Variants in NTM observed in about 807,000 individuals in gnomAD.
NTM encodes IgLON family member 2.
In NTM, 13 loss-of-function variants were observed where a neutral mutation model predicts 42.1. The ratio of observed to expected loss-of-function variants is 0.31; its 90% CI spans 0.20 to 0.49. The LOEUF (loss-of-function observed/expected upper bound fraction) is 0.49. Among genes scored for constraint, NTM ranks in the 20% least tolerant of loss-of-function variants. The pLI is 0.99. For missense variants in NTM, 373 were observed against 452.8 expected (o/e 0.82, Z 1.60); for synonymous variants, 187 against 179.2 (o/e 1.04, Z -0.35).
chr11:132,135,607 C>G (rs140805662), intron 2 of NTM, among the ~76,000 whole-genome samples: 2 of 152,326 alleles, frequency 1.3e-5, no homozygotes, highest in African/African-American at 4.8e-5. Flanking sequence ...ACACAGGCCA[C>G]ACAGGCTACT....
chr11:132,333,274 G>A (rs527409399), intron 8 of NTM, among the ~76,000 whole-genome samples: 2 of 152,286 alleles, frequency 1.3e-5, no homozygotes, highest in Admixed American at 1.3e-4. Context: ...CTCGGGCACA[G>A]ACAAGGGCCT....
At chr11:131,611,927 T>C (rs940673749) in intron 1 of NTM, among the ~76,000 whole-genome samples, 10 of 152,338 alleles carry the variant, frequency 6.6e-5, no homozygotes, top group African/African-American at 2.2e-4. Context: ...CCTTCAAGGA[T>C]GACTTCAGGG....
chr11:131,727,359 T>G (rs1050342757), intron 1 of NTM, among the ~76,000 whole-genome samples: 9 of 152,294 alleles, frequency 5.9e-5, no homozygotes, highest in African/African-American at 1.9e-4. Flanking sequence ...AAAAATAAGG[T>G]GAAGCCAATA....
At chr11:132,333,018 TCAGGAGAGCA>T (rs1369075908) in intron 8 of NTM, among the ~76,000 whole-genome samples, 1 of 152,092 alleles carries the variant, frequency 6.6e-6, no homozygotes, top group East Asian at 1.9e-4. Context: ...GTGTGGATGT[TCAGGAGAGCA>T]CAAGGGATGA....
At chr11:132,156,267 A>G (rs2073169873) in intron 3 of NTM, among the ~76,000 whole-genome samples, 3 of 152,072 alleles carry the variant, frequency 2.0e-5, no homozygotes, top group Non-Finnish European at 2.9e-5. Flanking sequence ...GTCCTGCCTC[A>G]CTATTTTCAT....
intron 1 of NTM, among the ~76,000 whole-genome samples, chr11:131,812,558 A>G (rs1401239144): frequency 6.6e-6 from 1 of 152,144 alleles, no homozygotes; most frequent in East Asian, 1.9e-4. Flanking sequence ...ACTGGGGCAC[A>G]ACACACCAAA....
At chr11:131,405,831 A>C (rs1407131398) in intron 1 of NTM, among the ~76,000 whole-genome samples, 2 of 152,166 alleles carry the variant, frequency 1.3e-5, no homozygotes, top group Admixed American at 6.5e-5. Flanking sequence ...ATGCTCCACT[A>C]ACCCTGTCCC....
At chr11:131,693,886 G>A (rs1490328981) in intron 1 of NTM, among the ~76,000 whole-genome samples, 1 of 152,202 alleles carries the variant, frequency 6.6e-6, no homozygotes, top group Non-Finnish European at 1.5e-5. Context: ...GTCTGCAGGT[G>A]GAAGCACATT....
intron 4 of NTM, among the ~76,000 whole-genome samples, chr11:132,251,247 C>A (rs566589243): frequency 6.6e-6 from 1 of 152,306 alleles, no homozygotes; most frequent in South Asian, 2.1e-4. Context: ...GATTCCTGTT[C>A]CCCTGTCCTT....
chr11:131,767,857 G>A (rs1477590145), intron 1 of NTM, among the ~76,000 whole-genome samples: 1 of 152,106 alleles, frequency 6.6e-6, no homozygotes, highest in Non-Finnish European at 1.5e-5. Flanking sequence ...TCCAAGCGAG[G>A]AGACAGGAGA....
chr11:132,276,054 AT>A (rs964724544), intron 4 of NTM, among the ~76,000 whole-genome samples: 24 of 148,382 alleles, frequency 1.6e-4, no homozygotes, highest in Middle Eastern at 3.5e-3. Flanking sequence ...TTGACTTTTA[AT>A]TTTTTTTTTA....
intron 1 of NTM, among the ~76,000 whole-genome samples, chr11:131,446,771 T>C (rs1950089479): frequency 6.6e-6 from 1 of 152,214 alleles, no homozygotes; most frequent in African/African-American, 2.4e-5. Context: ...TGAGGGTTAA[T>C]GCAGTTTGTA....
intron 1 of NTM, among the ~76,000 whole-genome samples, chr11:131,846,217 C>A (rs899079762): frequency 1.3e-5 from 2 of 152,078 alleles, no homozygotes; most frequent in African/African-American, 4.8e-5. Context: ...TTTGTTGTAT[C>A]CCTATTATTG....
chr11:132,231,396 A>G (rs1316116691), intron 4 of NTM, among the ~76,000 whole-genome samples: 1 of 152,222 alleles, frequency 6.6e-6, no homozygotes. Flanking sequence ...ATTAACGTCC[A>G]TTTAATAGCG....
chr11:132,055,310 C>T (rs1306023069), intron 2 of NTM, among the ~76,000 whole-genome samples: 1 of 152,212 alleles, frequency 6.6e-6, no homozygotes, highest in Admixed American at 6.5e-5. Flanking sequence ...TCCCTTGGGA[C>T]TAGCCCTGAG....
intron 4 of NTM, among the ~76,000 whole-genome samples, chr11:132,298,102 T>C (rs1203948687): frequency 1.3e-5 from 2 of 152,130 alleles, no homozygotes; most frequent in Admixed American, 1.3e-4. Flanking sequence ...CTTAAGTCAA[T>C]AGAATTCCCT....
intron 4 of NTM, among the ~76,000 whole-genome samples, chr11:132,229,022 T>C (rs542306344): frequency 2.6e-5 from 4 of 152,298 alleles, no homozygotes; most frequent in South Asian, 2.1e-4. Context: ...ATTAGGGAAA[T>C]AGCAGCTGCC....
intron 1 of NTM, among the ~76,000 whole-genome samples, chr11:131,835,653 A>G (rs932273745): frequency 6.6e-6 from 1 of 152,174 alleles, no homozygotes; most frequent in African/African-American, 2.4e-5. Flanking sequence ...CCTAATTGGT[A>G]CAAACACTCT....
intron 1 of NTM, among the ~76,000 whole-genome samples, chr11:131,700,011 T>C (rs1214055417): frequency 1.3e-5 from 2 of 151,438 alleles, no homozygotes; most frequent in Non-Finnish European, 2.9e-5. Context: ...CTCTTGACCA[T>C]GTAGAAGCCA....
Sources: allele counts gnomAD v4.1 joint callset (sites outside exome capture counted in the v4.1 genomes callset), GRCh38; gene constraint gnomAD v4.1.1; transcripts MANE v1.5; gene names NCBI Gene and HGNC (gene_info 2026-07-23, HGNC 2026-07-21).